The following TMEM200A variants were observed in gnomAD, a reference collection of about 807,000 sequenced individuals.
TMEM200A encodes two transmembrane C.
A neutral mutation model predicts 24.3 loss-of-function variants in TMEM200A; 12 were observed. That is an observed-to-expected ratio of 0.49 (90% CI 0.32 to 0.80). The LOEUF (loss-of-function observed/expected upper bound fraction) is 0.80. TMEM200A is among the 30% of genes least tolerant of loss of function. The pLI is 0.04. For synonymous variants in TMEM200A, 224 were observed against 224.4 expected, an observed-to-expected ratio of 1.00 and a Z score of 0.02; for missense variants, 545 against 614.4, an observed-to-expected ratio of 0.89 and a Z score of 1.19.
upstream of TMEM200A, chr6:130,365,791 G>C: frequency 1.0e-6 from 1 of 985,484 alleles, no homozygotes; most frequent in Non-Finnish European, 1.2e-6. Context: ...CTTTGTGGCC[G>C]GGACGCGGAT....
intron 1 of TMEM200A, among the ~76,000 whole-genome samples, chr6:130,380,340 A>G (rs991468314): frequency 6.6e-6 from 1 of 152,244 alleles, no homozygotes; most frequent in Non-Finnish European, 1.5e-5. Context: ...ACTTTTTTAA[A>G]GCATCTGCAG....
chr6:130,366,280 G>A lies in TMEM200A; in HGVS notation c.-325G>A. The A allele has an allele frequency of 2.1e-6, 2 of 973,574 alleles. No homozygotes were observed. The highest frequency in any genetic ancestry group is 2.4e-6 in the Non-Finnish European group (2 of 824,838). The allele number at this position is 973,574 out of a possible 1,614,324, so 60.3% of individuals were successfully genotyped here. The stretch of plus-strand genomic sequence containing the variant: ...ATAGGGGCGCCCCCACCCTCCGTCC[G>A]CTTGCACCCCTTGCCACCCGCCCCC... On this transcript the variant is annotated 5_prime_UTR_variant, in exon 1 of 3. Transcript: ENST00000296978. This position sits in a 1 kb window ranked among gnomAD's most constrained non-coding sequence, Gnocchi z 4.4.
At chr6:130,369,440 G>A (rs1039794198) in intron 1 of TMEM200A, among the ~76,000 whole-genome samples, 2 of 152,146 alleles carry the variant, frequency 1.3e-5, no homozygotes, top group Admixed American at 6.5e-5. Flanking sequence ...GAATTTCTGC[G>A]TAAGAATTTA....
At chr6:130,383,796 T>G (rs1778654129) in intron 1 of TMEM200A, among the ~76,000 whole-genome samples, 1 of 152,112 alleles carries the variant, frequency 6.6e-6, no homozygotes, top group Admixed American at 6.6e-5. Flanking sequence ...CCATAGAACC[T>G]CGTAGGAATA....
chr6:130,409,316 G>A (rs1779280116), intron 2 of TMEM200A, among the ~76,000 whole-genome samples: 2 of 152,082 alleles, frequency 1.3e-5, no homozygotes, highest in South Asian at 2.1e-4. Context: ...GGTTATTTAT[G>A]TTTTACCCTT....
chr6:130,404,222 T>A (rs555593143), intron 2 of TMEM200A, among the ~76,000 whole-genome samples: 1 of 152,298 alleles, frequency 6.6e-6, no homozygotes, highest in South Asian at 2.1e-4. Context: ...CCAATGGTAT[T>A]TCTGCCTTTA....
intron 1 of TMEM200A, among the ~76,000 whole-genome samples, chr6:130,381,269 G>A (rs1432977272): frequency 6.6e-6 from 1 of 152,212 alleles, no homozygotes; most frequent in African/African-American, 2.4e-5. Context: ...ATCTGTGTCT[G>A]TCAGTTATGG....
At chr6:130,421,972 T>C (rs1183720071) in intron 2 of TMEM200A, among the ~76,000 whole-genome samples, 1 of 152,198 alleles carries the variant, frequency 6.6e-6, no homozygotes, top group Admixed American at 6.5e-5. Flanking sequence ...GACATTTAGG[T>C]TGATTCTATA....
intron 2 of TMEM200A, among the ~76,000 whole-genome samples, chr6:130,395,165 C>T (rs1044519836): frequency 1.3e-5 from 2 of 152,192 alleles, no homozygotes; most frequent in African/African-American, 4.8e-5. Context: ...TTCCACTCCC[C>T]ATTTCCCTCA....
At chr6:130,412,189 A>ATT (rs71762414) in intron 2 of TMEM200A, among the ~76,000 whole-genome samples, 1 of 135,166 alleles carries the variant, frequency 7.4e-6, no homozygotes, top group African/African-American at 2.9e-5. Flanking sequence ...CAGAAGCCTG[A>ATT]TTTTTTTTTT....
intron 2 of TMEM200A, among the ~76,000 whole-genome samples, chr6:130,399,934 T>C (rs2115129660): frequency 6.6e-6 from 1 of 152,130 alleles, no homozygotes; most frequent in South Asian, 2.1e-4. Context: ...GAACATACAA[T>C]GTTTGGTTTT....
chr6:130,395,052 C>T (rs924753086), intron 2 of TMEM200A, among the ~76,000 whole-genome samples: 4 of 152,162 alleles, frequency 2.6e-5, no homozygotes, highest in Admixed American at 1.3e-4. Flanking sequence ...GTAATTTTCA[C>T]TGTATTGCAA....
chr6:130,385,035 G>T (rs1378861853), intron 1 of TMEM200A, 138 bp from the exon 2 acceptor site: 1 of 152,146 alleles, frequency 6.6e-6, no homozygotes, highest in African/African-American at 2.4e-5. Context: ...TATTCTTTTG[G>T]ATATAAATGT....
chr6:130,391,997 C>T (rs1470192210), intron 2 of TMEM200A, among the ~76,000 whole-genome samples: 1 of 152,128 alleles, frequency 6.6e-6, no homozygotes, highest in Non-Finnish European at 1.5e-5. Context: ...CCTGCCTTGG[C>T]CTCCCAAAGT....
chr6:130,413,573 G>A (rs968520357), intron 2 of TMEM200A, among the ~76,000 whole-genome samples: 2 of 152,158 alleles, frequency 1.3e-5, no homozygotes, highest in Non-Finnish European at 2.9e-5. Flanking sequence ...GCCATGTGGT[G>A]CGTCCTGTCT....
rs936301397 is a variant in TMEM200A at position 130,366,169 on chromosome 6, T to C, written c.-436T>C. ...TCCGAGGGCAGGCGCGCCTGGACTC[T>C]GCGCCCGGATGGCGGCGGCCCTCTG... On this transcript the variant is annotated 5_prime_UTR_variant, in exon 1 of 3. Coordinates refer to ENST00000296978, the MANE Select transcript of TMEM200A (RefSeq NM_001258277.2). This position sits in a 1 kb window ranked among gnomAD's most constrained non-coding sequence, Gnocchi z 4.4. 1.0e-6 allele frequency: 1 copy of C among 985,172 alleles called. No individual in the cohort carries two copies. Among genetic ancestry groups the C allele is most frequent in the Non-Finnish European group, 1.2e-6 (1 of 829,770 alleles). The allele number at this position is 985,172 out of a possible 1,614,324, so 61.0% of individuals were successfully genotyped here.
At chr6:130,368,970 G>A (rs1489854037) in intron 1 of TMEM200A, among the ~76,000 whole-genome samples, 1 of 152,164 alleles carries the variant, frequency 6.6e-6, no homozygotes, top group African/African-American at 2.4e-5. Context: ...GGCAAATTCT[G>A]GCAGAATTAA....
chr6:130,409,108 C>T (rs1031954905), intron 2 of TMEM200A, among the ~76,000 whole-genome samples: 2 of 152,102 alleles, frequency 1.3e-5, no homozygotes, highest in African/African-American at 4.8e-5. Flanking sequence ...GCTTTCTTTC[C>T]TTCCTTTCGT....
At chr6:130,388,494 T>A (rs368010405) in intron 2 of TMEM200A, among the ~76,000 whole-genome samples, 3 of 152,208 alleles carry the variant, frequency 2.0e-5, no homozygotes, top group African/African-American at 7.2e-5. Flanking sequence ...TTTCTGTAGA[T>A]GTTAAATGTG....
Sources: gnomAD v4.1 joint callset for allele counts (sites outside exome capture counted in the v4.1 genomes callset) on GRCh38, gnomAD v4.1.1 for gene constraint, Gnocchi (gnomAD v3.1) non-coding constraint, MANE v1.5 for transcripts, NCBI Gene and HGNC (gene_info 2026-07-23, HGNC 2026-07-21) for gene names.